The following TWIST2 variants were observed in gnomAD, a reference collection of about 807,000 sequenced individuals.
TWIST2 encodes twist-related protein 2.
In TWIST2, 1 loss-of-function variant was observed where a neutral mutation model predicts 11.6. That is an observed-to-expected ratio of 0.09 (90% CI 0.03 to 0.41). TWIST2 has a LOEUF of 0.41. TWIST2 is among the 10% of genes least tolerant of loss of function. The probability of loss-of-function intolerance (pLI) is 0.98; values close to 1 mark genes in which losing one functional copy is unlikely to be tolerated. For missense variants in TWIST2, 168 were observed against 226.4 expected (o/e 0.74, Z 1.66); for synonymous variants, 87 against 96.6 (o/e 0.90, Z 0.58).
At chr2:238,885,384 T>C (rs1425671568) in intron 1 of TWIST2, among the ~76,000 whole-genome samples, 1 of 152,246 alleles carries the variant, frequency 6.6e-6, no homozygotes, top group Non-Finnish European at 1.5e-5. Flanking sequence ...TGGCCTTTTG[T>C]GGCTTTACAG....
intron 1 of TWIST2, among the ~76,000 whole-genome samples, chr2:238,880,283 ATTAGTGTTAGTGTTATTG>A (rs1244098251): frequency 6.7e-6 from 1 of 149,854 alleles, no homozygotes; most frequent in Non-Finnish European, 1.5e-5. Context: ...ACTAGTATTT[ATTAGTGTTAGTGTTATTG>A]TTAGTGTTAG....
intron 1 of TWIST2, among the ~76,000 whole-genome samples, chr2:238,890,267 T>C (rs972432879): frequency 2.6e-5 from 4 of 152,200 alleles, no homozygotes; most frequent in Non-Finnish European, 4.4e-5. Flanking sequence ...CTCCAGCCTG[T>C]ATCCCCACAG....
intron 1 of TWIST2, among the ~76,000 whole-genome samples, chr2:238,905,340 G>C (rs1467777204): frequency 1.3e-5 from 2 of 152,192 alleles, no homozygotes; most frequent in African/African-American, 4.8e-5. Context: ...CACGCAGCAC[G>C]CATGCACACA....
At chr2:238,854,416 TG>T (rs1692294893) in intron 1 of TWIST2, among the ~76,000 whole-genome samples, 1 of 152,194 alleles carries the variant, frequency 6.6e-6, no homozygotes, top group Non-Finnish European at 1.5e-5. Context: ...CCCCTTGATT[TG>T]TATTAACCCT....
At chr2:238,856,498 A>G (rs1006319188) in intron 1 of TWIST2, among the ~76,000 whole-genome samples, 1 of 152,224 alleles carries the variant, frequency 6.6e-6, no homozygotes, top group Non-Finnish European at 1.5e-5. Flanking sequence ...CCCTGTGTAC[A>G]TTAGTCTATC....
intron 1 of TWIST2, among the ~76,000 whole-genome samples, chr2:238,903,439 TG>T (rs1377862518): frequency 7.1e-6 from 1 of 140,520 alleles, no homozygotes; most frequent in Non-Finnish European, 1.5e-5. Flanking sequence ...GTGTGTGATG[TG>T]GGGTGTGGGT....
At chr2:238,898,201 A>C (rs1191222012) in intron 1 of TWIST2, among the ~76,000 whole-genome samples, 1 of 152,338 alleles carries the variant, frequency 6.6e-6, no homozygotes, top group East Asian at 1.9e-4. Flanking sequence ...TGCCCCTAGC[A>C]GGGAGCATGT....
intron 1 of TWIST2, among the ~76,000 whole-genome samples, chr2:238,861,270 G>C (rs1208376061): frequency 6.6e-6 from 1 of 152,190 alleles, no homozygotes; most frequent in Non-Finnish European, 1.5e-5. Flanking sequence ...TTTGATTCAT[G>C]AGCACGATAT....
intron 1 of TWIST2, among the ~76,000 whole-genome samples, chr2:238,876,339 C>T (rs765065223): frequency 8.4e-4 from 128 of 152,148 alleles, no homozygotes; most frequent in Middle Eastern, 3.2e-3. Context: ...CAAAGTGTCT[C>T]CTGAACTGGC....
At chr2:238,860,435 C>A (rs547040095) in intron 1 of TWIST2, among the ~76,000 whole-genome samples, 6 of 152,340 alleles carry the variant, frequency 3.9e-5, no homozygotes, top group Admixed American at 2.0e-4. Context: ...CTGAGTGCTC[C>A]CTCAGCCATG....
At chr2:238,879,878 C>T (rs1014536497) in intron 1 of TWIST2, among the ~76,000 whole-genome samples, 8 of 152,228 alleles carry the variant, frequency 5.3e-5, no homozygotes, top group Non-Finnish European at 1.2e-4. Context: ...GCATTCTGCA[C>T]AGAGGGAGAG....
In TWIST2 at chr2:238,907,812, C is replaced by T. The variant is rs1693379615; in HGVS notation, c.*36-2030C>T. 2.1e-5 allele frequency among the ~76,000 whole-genome samples: 3 copies of T among 145,864 alleles called. No individual in the cohort carries two copies. In the Admixed American group the frequency reaches 2.1e-4, roughly 10 times the overall value. The stretch of plus-strand genomic sequence containing the variant: ...TACACACATAAACACACACCACGCG[C>T]CACACAAATATACCACACACTACAC... On this transcript the variant is annotated intron_variant, in intron 1 of 1. Transcript: ENST00000612363.
In TWIST2 at chr2:238,893,525, G is replaced by A. The variant is rs1195969567; in HGVS notation, c.*36-16317G>A. Among the ~76,000 whole-genome samples the A allele has an allele frequency of 2.0e-5, 3 of 152,122 alleles. No individual in the cohort carries two copies. The East Asian group carries it at 5.8e-4, about 29-fold the overall frequency. On this transcript the variant is annotated intron_variant, in intron 1 of 1. Transcript: ENST00000612363. ...CCTCTCCACTCTGAAAACAGGCCCC[G>A]GAGCCTGGACACCTAGGCTTAATTC...
intron 1 of TWIST2, among the ~76,000 whole-genome samples, chr2:238,885,377 C>T (rs1298794085): frequency 6.6e-6 from 1 of 152,210 alleles, no homozygotes; most frequent in Non-Finnish European, 1.5e-5. Context: ...AAAAAACTGG[C>T]CTTTTGTGGC....
At chr2:238,881,679 G>C (rs549810047) in intron 1 of TWIST2, among the ~76,000 whole-genome samples, 1 of 152,022 alleles carries the variant, frequency 6.6e-6, no homozygotes, top group East Asian at 1.9e-4. Context: ...TGGTGTCCTG[G>C]GTCTGAGCTG....
At position 238,867,319 on chromosome 2, in the gene TWIST2, C is replaced by T. The variant is rs934343035; in HGVS notation, c.*35+18586C>T. Among the ~76,000 whole-genome samples the T allele has an allele frequency of 1.3e-5, 2 of 149,402 alleles. No individual in the cohort carries two copies. The highest frequency in any genetic ancestry group is 3.0e-5 in the Non-Finnish European group (2 of 67,630). ...GGAGACATCTTGGGGGAAAGTGATT[C>T]ATCTGATCTGGGATGGAAGATTATT... On this transcript the variant is annotated intron_variant, in intron 1 of 1. Transcript: ENST00000612363. The surrounding 1 kb of genome is among the most constrained non-coding windows in gnomAD (Gnocchi z 4.8).
chr2:238,893,508 C>G lies in TWIST2; in HGVS notation c.*36-16334C>G, dbSNP rs1197158862. Among the ~76,000 whole-genome samples the G allele has an allele frequency of 2.0e-5, 3 of 152,186 alleles. No individual in the cohort carries two copies. In the East Asian group the frequency reaches 5.8e-4, roughly 29 times the overall value. On this transcript the variant is annotated intron_variant, in intron 1 of 1. Transcript: ENST00000612363. ...CAGAAGCACAGCCTGTGCCTCTCCACTCTGAAAACAGGCCCCGGAGCCTGG... is the reference window on the plus strand; with the variant it reads ...CAGAAGCACAGCCTGTGCCTCTCCAGTCTGAAAACAGGCCCCGGAGCCTGG...
At position 238,848,157 on chromosome 2, in the gene TWIST2, C is replaced by A; in HGVS notation, c.-59C>A. 1.7e-6 allele frequency: 2 copies of A among 1,176,706 alleles called. No homozygotes were observed. The highest frequency in any genetic ancestry group is 2.1e-6 in the Non-Finnish European group (2 of 952,820). The allele number at this position is 1,176,706 out of a possible 1,614,324, so 72.9% of individuals were successfully genotyped here. A position where few individuals can be genotyped will look rare whatever the true frequency, so the allele number is the denominator to read the frequency against. ...GTGTGCTCGGCGACCGCGGGCTTGG[C>A]CAGCGGCGCGCGCTCGGCGCCCCGG... On this transcript the variant is annotated 5_prime_UTR_variant, in exon 1 of 2. Coordinates refer to ENST00000612363, the MANE Select transcript of TWIST2 (RefSeq NM_001271893.4).
chr2:238,874,396 C>T (rs953570660), intron 1 of TWIST2, among the ~76,000 whole-genome samples: 1 of 152,080 alleles, frequency 6.6e-6, no homozygotes, highest in Non-Finnish European at 1.5e-5. Context: ...TTAAAATGTC[C>T]AATTTAGTTA....
Sources: allele counts gnomAD v4.1 joint callset (sites outside exome capture counted in the v4.1 genomes callset), GRCh38; gene constraint gnomAD v4.1.1; non-coding constraint Gnocchi (gnomAD v3.1); transcripts MANE v1.5; gene names NCBI Gene and HGNC (gene_info 2026-07-23, HGNC 2026-07-21).